The following ZNF423 variants were observed in gnomAD, a reference collection of about 807,000 sequenced individuals.
ZNF423 encodes the protein zinc finger protein 423.
In ZNF423, 12 loss-of-function variants were observed where a neutral mutation model predicts 95.8. That is an observed-to-expected ratio of 0.13 (90% confidence interval 0.08 to 0.20). ZNF423 has a LOEUF of 0.20. ZNF423 is among the 10% of genes least tolerant of loss of function. The probability of loss-of-function intolerance (pLI) is 1.00; values close to 1 mark genes in which losing one functional copy is unlikely to be tolerated. For synonymous variants in ZNF423, 749 were observed against 711.9 expected (o/e 1.05, Z -0.83); for missense variants, 1,316 against 1,737.1 (o/e 0.76, Z 4.31).
chr16:49,565,598 A>T (rs963463488), intron 5 of ZNF423, among the ~76,000 whole-genome samples: 4 of 152,176 alleles, frequency 2.6e-5, no homozygotes, highest in African/African-American at 9.6e-5. Flanking sequence ...ACCAACGAGG[A>T]CCTGGCTCAA....
At chr16:49,853,040 G>C (rs1437841007) in intron 1 of ZNF423, among the ~76,000 whole-genome samples, 1 of 152,116 alleles carries the variant, frequency 6.6e-6, no homozygotes. Context: ...ACATTTCCGA[G>C]ATCAACTACA....
At chr16:49,813,172 C>T (rs2034780903) in intron 1 of ZNF423, among the ~76,000 whole-genome samples, 1 of 152,088 alleles carries the variant, frequency 6.6e-6, no homozygotes, top group South Asian at 2.1e-4. Flanking sequence ...TGACATTAGA[C>T]TGGACTTCCC....
chr16:49,583,977 C>T (rs1037643982), intron 5 of ZNF423, among the ~76,000 whole-genome samples: 4 of 152,226 alleles, frequency 2.6e-5, no homozygotes, highest in Non-Finnish European at 5.9e-5. Flanking sequence ...AGCTTGTTCA[C>T]TGAGCAGATA....
chr16:49,650,622 G>C (rs1049003929), intron 3 of ZNF423, among the ~76,000 whole-genome samples: 1 of 152,170 alleles, frequency 6.6e-6, no homozygotes, highest in African/African-American at 2.4e-5. Context: ...AGTAAGTGGG[G>C]GGCCACACAC....
rs141725729 is a variant in ZNF423, at chr16:49,575,859, C to T, written c.3601+50311G>A. Among the ~76,000 whole-genome samples, 1,139 of 152,122 alleles carry T rather than the reference C, an allele frequency of 7.5e-3. 6 individuals are homozygous for T. Among genetic ancestry groups the T allele is most frequent in the Admixed American group, 0.015 (236 of 15,284 alleles). ...ACTGCAGATGGTGTAGGTCACTGGC[C>T]CACACTTGGAGGAGCCTGAAGGAGG... On this transcript the variant is annotated intron_variant, in intron 5 of 7. Transcript: ENST00000563137.
rs759221881 is a variant in ZNF423 at position 49,635,902 on chromosome 16, C to T, written c.3274G>A (p.Val1092Ile). The T allele has an allele frequency of 2.4e-5, 38 of 1,581,996 alleles. No homozygotes were observed. In the South Asian group the frequency reaches 3.2e-4, roughly 13 times the overall value. ...CAGAGGCCGTAGGGCAGCCCATTGA[C>T]GTCAAGCTTCACCAGGTCCTGCTTG... Reference protein sequence around the residue: ...RSKQDLVKLDVNGLPYGLCAG... With the variant: ...RSKQDLVKLDINGLPYGLCAG... Residue 1092 changes from valine to isoleucine, a missense_variant, in exon 4 of 8, where the codon GTC becomes ATC. This residue lies in a region of ZNF423 where 620 missense variants were observed against 775.6 expected (regional missense o/e 0.80). Transcript: ENST00000563137. This position sits in a 1 kb window ranked among gnomAD's most constrained non-coding sequence, Gnocchi z 4.8.
intron 5 of ZNF423, among the ~76,000 whole-genome samples, chr16:49,605,318 A>T (rs1034576879): frequency 2.0e-5 from 3 of 152,218 alleles, no homozygotes; most frequent in Non-Finnish European, 4.4e-5. Context: ...ATTGAATGAG[A>T]TGGAACTTGG....
At chr16:49,525,589 C>T (rs547397673) in intron 5 of ZNF423, 95 bp from the exon 6 acceptor site, 1 of 1,538,928 alleles carries the variant, frequency 6.5e-7, no homozygotes, top group African/African-American at 1.4e-5. Flanking sequence ...CACTAACCCC[C>T]CTCCAATCCC....
chr16:49,802,383 A>G (rs141855194), intron 1 of ZNF423, among the ~76,000 whole-genome samples: 340 of 152,284 alleles, frequency 2.2e-3, no homozygotes, highest in Middle Eastern at 0.014. Flanking sequence ...CTTGGGGTGA[A>G]ACCATGAGAG....
chr16:49,535,570 C>A (rs960653036), intron 5 of ZNF423, among the ~76,000 whole-genome samples: 1 of 152,048 alleles, frequency 6.6e-6, no homozygotes, highest in Non-Finnish European at 1.5e-5. Context: ...TGAAATAAAC[C>A]ACACACAAGA....
intron 7 of ZNF423, chr16:49,517,931 T>C (rs562052668): frequency 3.3e-5 from 15 of 453,320 alleles, no homozygotes; most frequent in South Asian, 2.4e-4. Flanking sequence ...ATGTAGAAAC[T>C]GATCAAAAGA....
chr16:49,740,953 C>T (rs1277884128), intron 2 of ZNF423, among the ~76,000 whole-genome samples: 1 of 152,206 alleles, frequency 6.6e-6, no homozygotes, highest in African/African-American at 2.4e-5. Context: ...CAGCCCCTGT[C>T]AGGGAGACGT....
chr16:49,715,955 G>A (rs1291063590), intron 3 of ZNF423, among the ~76,000 whole-genome samples: 1 of 152,038 alleles, frequency 6.6e-6, no homozygotes, highest in African/African-American at 2.4e-5. Context: ...GGCTGAGGTG[G>A]AAGGATTGCT....
At chr16:49,567,056 C>A (rs1400262618) in intron 5 of ZNF423, among the ~76,000 whole-genome samples, 2 of 152,178 alleles carry the variant, frequency 1.3e-5, no homozygotes, top group Non-Finnish European at 2.9e-5. Flanking sequence ...TTGATGACAT[C>A]ACTCGCGAAT....
At chr16:49,545,063 G>A (rs2151744400) in intron 5 of ZNF423, among the ~76,000 whole-genome samples, 1 of 152,342 alleles carries the variant, frequency 6.6e-6, no homozygotes, top group Middle Eastern at 3.4e-3. Context: ...ACTGGGTGAG[G>A]TAAAGTGATT....
chr16:49,533,038 C>G (rs1426225367), intron 5 of ZNF423, among the ~76,000 whole-genome samples: 3 of 152,200 alleles, frequency 2.0e-5, no homozygotes, highest in African/African-American at 7.2e-5. Flanking sequence ...CGCCCTTCAT[C>G]GCTACTGACC....
intron 2 of ZNF423, among the ~76,000 whole-genome samples, chr16:49,768,119 G>A (rs1044260657): frequency 2.6e-5 from 4 of 152,238 alleles, no homozygotes; most frequent in Admixed American, 6.5e-5. Context: ...TGGGCTGCAC[G>A]AGGCTGGCAA....
At chr16:49,833,183 G>A (rs978652241) in intron 1 of ZNF423, among the ~76,000 whole-genome samples, 17 of 152,216 alleles carry the variant, frequency 1.1e-4, no homozygotes, top group Admixed American at 8.5e-4. Flanking sequence ...CACAAGCTCC[G>A]CCCAGCAGGC....
intron 5 of ZNF423, among the ~76,000 whole-genome samples, chr16:49,578,326 C>A (rs923961784): frequency 6.6e-6 from 1 of 152,244 alleles, no homozygotes; most frequent in Admixed American, 6.5e-5. Flanking sequence ...GGGGGAAGGA[C>A]TGCTTCCATT....
Sources: allele counts gnomAD v4.1 joint callset (sites outside exome capture counted in the v4.1 genomes callset), GRCh38; gene constraint gnomAD v4.1.1; regional missense constraint gnomAD v4.1.1; non-coding constraint Gnocchi (gnomAD v3.1); transcripts MANE v1.5; gene names NCBI Gene and HGNC (gene_info 2026-07-23, HGNC 2026-07-21).